The following KCNH1 variants were observed in gnomAD, a reference collection of about 807,000 sequenced individuals.
KCNH1 encodes the protein potassium voltage-gated channel subfamily H member 1, also known as voltage-gated delayed rectifier potassium channel KCNH1.
In KCNH1, 27 loss-of-function variants were observed where a neutral mutation model predicts 69.2. That is an observed-to-expected ratio of 0.39 (90% CI 0.29 to 0.54). KCNH1 has a LOEUF of 0.54. Among genes scored for constraint, KCNH1 ranks in the 20% least tolerant of loss-of-function variants. The pLI, the probability that KCNH1 is intolerant of heterozygous loss-of-function variation, is 0.68. For synonymous variants in KCNH1, 456 were observed against 487.7 expected, an observed-to-expected ratio of 0.93 and a Z score of 0.86; for missense variants, 798 against 1,261.6, an observed-to-expected ratio of 0.63 and a Z score of 5.57.
chr1:210,720,453 G>A (rs565433264), intron 10 of KCNH1, among the ~76,000 whole-genome samples: 5 of 152,290 alleles, frequency 3.3e-5, no homozygotes, highest in African/African-American at 9.6e-5. Flanking sequence ...AACCATATGC[G>A]ATTAAGCAGT....
At chr1:211,116,635 C>T (rs1691588819) in intron 1 of KCNH1, among the ~76,000 whole-genome samples, 1 of 152,136 alleles carries the variant, frequency 6.6e-6, no homozygotes, top group African/African-American at 2.4e-5. Context: ...GTAGCTACAT[C>T]AAGAGCAAGA....
In KCNH1 at chr1:210,862,254, C is replaced by T. The variant is rs571071000; in HGVS notation, c.1462+57386G>A. On this transcript the variant is annotated intron_variant, in intron 7 of 10. Transcript: ENST00000271751. ...GCAGGGCTGGGTCCATGGTGCCCCG[C>T]AGGGCCTCGATAATGGTGTTGGGGT... The T allele has an allele frequency of 8.7e-5, 92 of 1,063,032 alleles. 1 individual carries two copies. The South Asian group carries it at 1.1e-3, about 12-fold the overall frequency. The allele number at this position is 1,063,032 out of a possible 1,614,324, so 65.8% of individuals were successfully genotyped here.
At chr1:210,685,228 C>T (rs957464809) in intron 10 of KCNH1, among the ~76,000 whole-genome samples, 1 of 152,126 alleles carries the variant, frequency 6.6e-6, no homozygotes, top group Non-Finnish European at 1.5e-5. Flanking sequence ...GTGTTTTGAC[C>T]CATATCATGT....
chr1:211,002,326 ATGTGTGTGTGTG>A (rs34120096), intron 6 of KCNH1, among the ~76,000 whole-genome samples: 2 of 138,080 alleles, frequency 1.4e-5, no homozygotes, highest in African/African-American at 5.9e-5. Context: ...GTATATATAT[ATGTGTGTGTGTG>A]TATATATATA....
intron 8 of KCNH1, among the ~76,000 whole-genome samples, chr1:210,802,169 G>T (rs1372764487): frequency 6.6e-6 from 1 of 152,232 alleles, no homozygotes; most frequent in East Asian, 1.9e-4. Flanking sequence ...TCAAGAAATG[G>T]TAGCTGAGGT....
intron 10 of KCNH1, among the ~76,000 whole-genome samples, chr1:210,696,904 C>T (rs1190611212): frequency 6.6e-6 from 1 of 152,232 alleles, no homozygotes; most frequent in Non-Finnish European, 1.5e-5. Flanking sequence ...ACCTGCCCAA[C>T]TGTGGTCTTG....
intron 6 of KCNH1, among the ~76,000 whole-genome samples, chr1:210,942,151 C>T (rs760873321): frequency 6.6e-5 from 10 of 152,316 alleles, no homozygotes; most frequent in Admixed American, 4.6e-4. Flanking sequence ...AGTAAACATA[C>T]TTAATCATTC....
intron 5 of KCNH1, among the ~76,000 whole-genome samples, chr1:211,020,951 A>AT (rs1182353948): frequency 2.0e-5 from 3 of 151,946 alleles, no homozygotes; most frequent in African/African-American, 7.3e-5. Context: ...ATGATAAAAA[A>AT]AACTCAACAA....
intron 5 of KCNH1, among the ~76,000 whole-genome samples, chr1:211,028,581 T>G (rs1689725420): frequency 6.6e-6 from 1 of 151,344 alleles, no homozygotes; most frequent in Non-Finnish European, 1.5e-5. Flanking sequence ...AAGACAGAAA[T>G]TACCAGTATT....
At chr1:211,056,159 G>A (rs950079474) in intron 5 of KCNH1, among the ~76,000 whole-genome samples, 1 of 152,218 alleles carries the variant, frequency 6.6e-6, no homozygotes, top group Admixed American at 6.5e-5. Context: ...CCTGCCCTAA[G>A]ACAGAGGGGA....
Position 210,919,994 on chromosome 1 carries a change from G to A in KCNH1, c.1108C>T (p.His370Tyr). The change falls in exon 7 of 11, where the codon CAC (histidine) becomes TAC (tyrosine). Residue 370 changes from histidine (H) to tyrosine (Y), a missense_variant. His to Tyr is a moderately conservative substitution (Grantham distance 83). This residue lies in a region of KCNH1 where 266 missense variants were observed against 457.2 expected (regional missense o/e 0.58). Transcript: ENST00000271751. This position sits in a 1 kb window ranked among gnomAD's most constrained non-coding sequence, Gnocchi z 4.2. Reference protein sequence around the residue: ...RLGRVARKLDHYIEYGAAVLV... With the variant: ...RLGRVARKLDYYIEYGAAVLV... ...ACAGCAGCTCCATATTCAATGTAGT[G>A]GTCCAGCTTACGGGCCACTCGCCCA... is the stretch of plus-strand genomic sequence containing the variant. The A allele has an allele frequency of 6.2e-7, 1 of 1,614,124 alleles. No homozygotes were observed. Among genetic ancestry groups the A allele is most frequent in the Non-Finnish European group, 8.5e-7 (1 of 1,180,014 alleles).
At chr1:210,956,756 G>A (rs971685836) in intron 6 of KCNH1, among the ~76,000 whole-genome samples, 5 of 151,988 alleles carry the variant, frequency 3.3e-5, no homozygotes, top group African/African-American at 1.2e-4. Context: ...GATTGGTGGT[G>A]ATATCCCCTT....
intron 6 of KCNH1, among the ~76,000 whole-genome samples, chr1:210,988,139 G>C (rs1688877059): frequency 1.3e-5 from 2 of 152,188 alleles, no homozygotes; most frequent in Non-Finnish European, 2.9e-5. Flanking sequence ...GAAAAGCGCA[G>C]TATTAGGGTG....
chr1:210,725,566 G>A (rs1682570890), intron 10 of KCNH1, among the ~76,000 whole-genome samples: 1 of 152,164 alleles, frequency 6.6e-6, no homozygotes, highest in Admixed American at 6.6e-5. Context: ...AGCCCTCTTG[G>A]ACAAGAAGAA....
chr1:211,087,460 G>T (rs1291227914), intron 4 of KCNH1, among the ~76,000 whole-genome samples: 1 of 151,930 alleles, frequency 6.6e-6, no homozygotes, highest in Non-Finnish European at 1.5e-5. Context: ...AAGACAGAAC[G>T]CAACAGAAAC....
chr1:210,806,836 A>AATATATATATATATATAT (rs1553346590), intron 7 of KCNH1, among the ~76,000 whole-genome samples: 21 of 85,620 alleles, frequency 2.5e-4, no homozygotes, highest in East Asian at 2.1e-3. Context: ...AAAAAAAAAA[A>AATATATATATATATATAT]ATATATATAT....
chr1:211,099,565 C>T (rs1330464292), intron 3 of KCNH1, among the ~76,000 whole-genome samples: 1 of 152,176 alleles, frequency 6.6e-6, no homozygotes, highest in Non-Finnish European at 1.5e-5. Context: ...CCCTCCGCCC[C>T]ATTTCCGTTC....
At chr1:210,753,585 G>A (rs1315711703) in intron 10 of KCNH1, among the ~76,000 whole-genome samples, 2 of 152,160 alleles carry the variant, frequency 1.3e-5, no homozygotes, top group Non-Finnish European at 2.9e-5. Context: ...TGCACCTATT[G>A]TCTCCTCAGC....
intron 7 of KCNH1, among the ~76,000 whole-genome samples, chr1:210,892,112 A>T (rs1055055579): frequency 1.3e-5 from 2 of 152,088 alleles, no homozygotes; most frequent in African/African-American, 4.8e-5. Context: ...TACCTAATGT[A>T]GATCACAGGT....
Sources: gnomAD v4.1 joint callset for allele counts (sites outside exome capture counted in the v4.1 genomes callset) on GRCh38, gnomAD v4.1.1 for gene constraint, gnomAD v4.1.1 regional missense constraint, Gnocchi (gnomAD v3.1) non-coding constraint, MANE v1.5 for transcripts, NCBI Gene and HGNC (gene_info 2026-07-23, HGNC 2026-07-21) for gene names.